Variants in LUC7L2 observed in about 807,000 individuals in gnomAD.
LUC7L2 encodes putative RNA-binding protein Luc7-like 2.
Under a neutral mutation model 52.8 loss-of-function variants are expected in LUC7L2, and 25 were observed. That is an observed-to-expected ratio of 0.47 (90% CI 0.34 to 0.66). The LOEUF is 0.66. Ranked by LOEUF, LUC7L2 falls within the 30% of genes least tolerant of loss-of-function variation. LUC7L2 has a pLI of 0.01. For missense variants in LUC7L2, 328 were observed against 497.8 expected (o/e 0.66, Z 3.25); for synonymous variants, 144 against 160.9 (o/e 0.89, Z 0.80).
intron 1 of LUC7L2, among the ~76,000 whole-genome samples, chr7:139,348,268 G>A (rs1041432831): frequency 6.6e-6 from 1 of 150,942 alleles, no homozygotes; most frequent in South Asian, 2.1e-4. Flanking sequence ...GAACTCGTGG[G>A]CTCAAGTGAT....
intron 2 of LUC7L2, among the ~76,000 whole-genome samples, chr7:139,377,817 G>T (rs944016744): frequency 4.1e-5 from 6 of 147,330 alleles, no homozygotes; most frequent in African/African-American, 1.5e-4. Context: ...ATGAGCTACC[G>T]CGCCTGGCTT....
chr7:139,410,818 G>GTT (rs1334600535), intron 7 of LUC7L2, among the ~76,000 whole-genome samples: 2 of 152,114 alleles, frequency 1.3e-5, no homozygotes, highest in Non-Finnish European at 2.9e-5. Context: ...ATTTCAAGAA[G>GTT]TTTAAACAGA....
upstream of LUC7L2, among the ~76,000 whole-genome samples, chr7:139,358,264 TC>T (rs1472920638): frequency 1.3e-5 from 2 of 152,122 alleles, no homozygotes; most frequent in Non-Finnish European, 2.9e-5. Flanking sequence ...CGCCTCTGCC[TC>T]CCAAAGTACT....
chr7:139,364,016 C>T (rs1431835245), intron 1 of LUC7L2, among the ~76,000 whole-genome samples: 1 of 103,156 alleles, frequency 9.7e-6, no homozygotes, highest in East Asian at 2.9e-4. Context: ...GACAGGGTCT[C>T]TGTTGCCCAG....
At chr7:139,389,841 A>G (rs1224447608) in intron 2 of LUC7L2, among the ~76,000 whole-genome samples, 2 of 152,224 alleles carry the variant, frequency 1.3e-5, no homozygotes, top group Non-Finnish European at 2.9e-5. Context: ...AAAAATAAGT[A>G]GGTTGACAGC....
intron 2 of LUC7L2, among the ~76,000 whole-genome samples, chr7:139,386,920 GCCT>G (rs756182551): frequency 2.6e-5 from 4 of 151,954 alleles, no homozygotes; most frequent in Non-Finnish European, 1.5e-5. Flanking sequence ...GCTCACTGCA[GCCT>G]CCTCCTTCTG....
intron 7 of LUC7L2, among the ~76,000 whole-genome samples, chr7:139,409,960 C>T (rs1795283828): frequency 1.3e-5 from 2 of 152,248 alleles, no homozygotes; most frequent in African/African-American, 4.8e-5. Context: ...GTAATTCCAG[C>T]ACTTTGGGAG....
At chr7:139,378,074 T>C (rs1340387346) in intron 2 of LUC7L2, among the ~76,000 whole-genome samples, 4 of 151,936 alleles carry the variant, frequency 2.6e-5, no homozygotes, top group Non-Finnish European at 5.9e-5. Flanking sequence ...TGCCTCAGCC[T>C]CCCAAAGTAC....
In LUC7L2 at chr7:139,359,982, G is replaced by T; in HGVS notation, c.-280G>T. 2.3e-6 allele frequency: 1 copy of T among 432,048 alleles called. No homozygotes were observed. Among genetic ancestry groups the T allele is most frequent in the Non-Finnish European group, 4.1e-6 (1 of 243,738 alleles). The allele number at this position is 432,048 out of a possible 1,614,324, so 26.8% of individuals were successfully genotyped here. On this transcript the variant is annotated 5_prime_UTR_variant, in exon 1 of 10. Transcript: ENST00000354926. The stretch of plus-strand genomic sequence containing the variant: ...TGGCGGGTGGCGGTGTTGAAGGCGA[G>T]AGCTTGCTTGGCCCGTGTCGCTTCT...
rs375513733 is a variant in LUC7L2, at chr7:139,376,123, C to T, written c.123C>T (p.Leu41=). Residue 41 remains leucine (L), a synonymous_variant, in exon 2 of 10, where the codon CTC becomes CTT. Coordinates refer to ENST00000354926, the MANE Select transcript of LUC7L2 (RefSeq NM_016019.5). The part of the protein sequence containing the change: ...SDDRVCKSHL[L]NCCPHDVLSG... ...ACAGAGTATGCAAGAGTCACCTTCT[C>T]AACTGTTGTCCTCATGATGTCCTTT... The T allele has an allele frequency of 6.2e-7, 1 of 1,613,876 alleles. No homozygotes were observed. Among genetic ancestry groups the T allele is most frequent in the African/African-American group, 1.3e-5 (1 of 75,040 alleles).
chr7:139,418,052 A>G (rs1023468848), intron 9 of LUC7L2, among the ~76,000 whole-genome samples: 3 of 152,218 alleles, frequency 2.0e-5, no homozygotes, highest in African/African-American at 4.8e-5. Flanking sequence ...TGGATCAGCA[A>G]ATTAGGGGCT....
intron 3 of LUC7L2, among the ~76,000 whole-genome samples, chr7:139,400,778 A>G (rs1794877519): frequency 6.6e-6 from 1 of 152,178 alleles, no homozygotes; most frequent in Non-Finnish European, 1.5e-5. Flanking sequence ...TGCCATCTTT[A>G]TCTTTACATA....
upstream of LUC7L2, chr7:139,359,743 G>C (rs1799758220): frequency 2.5e-6 from 1 of 400,232 alleles, no homozygotes; most frequent in Non-Finnish European, 4.4e-6. Context: ...AGTATCGCGA[G>C]ATCCGGGGTA....
At chr7:139,405,567 C>T in intron 4 of LUC7L2, 77 bp from the exon 5 acceptor site, 1 of 1,468,368 alleles carries the variant, frequency 6.8e-7, no homozygotes. Context: ...AGTTTTTTCT[C>T]AGCAGTTCTG....
chr7:139,421,876 C>G (rs1257180242), intron 9 of LUC7L2, among the ~76,000 whole-genome samples: 2 of 152,050 alleles, frequency 1.3e-5, no homozygotes, highest in South Asian at 4.2e-4. Flanking sequence ...ATTAAAATAC[C>G]TTTTATGAAT....
intron 2 of LUC7L2, among the ~76,000 whole-genome samples, chr7:139,377,628 G>A (rs940954591): frequency 2.6e-5 from 4 of 151,850 alleles, no homozygotes; most frequent in Admixed American, 6.6e-5. Context: ...TTCTGACCTC[G>A]TGATCCACCC....
upstream of LUC7L2, among the ~76,000 whole-genome samples, chr7:139,356,314 CAAAAAAAAAAAAAAAAA>C (rs10524961): frequency 9.2e-3 from 760 of 82,940 alleles, 9 homozygotes; most frequent in African/African-American, 0.019. Context: ...GACCCTATCT[CAAAAAAAAAAAAAAAAA>C]AAAAAAAAAA....
intron 1 of LUC7L2, chr7:139,363,225 C>T (rs1799973748): frequency 1.0e-6 from 1 of 985,236 alleles, no homozygotes; most frequent in Non-Finnish European, 1.2e-6. Context: ...CGTGCCGATG[C>T]CTGGCATACT....
At chr7:139,365,360 G>T (rs1379233188) in intron 1 of LUC7L2, among the ~76,000 whole-genome samples, 1 of 152,072 alleles carries the variant, frequency 6.6e-6, no homozygotes, top group African/African-American at 2.4e-5. Context: ...AAATCATTTT[G>T]TCTATTTCTG....
Sources: gnomAD v4.1 joint callset for allele counts (sites outside exome capture counted in the v4.1 genomes callset) on GRCh38, gnomAD v4.1.1 for gene constraint, MANE v1.5 for transcripts, NCBI Gene and HGNC (gene_info 2026-07-23, HGNC 2026-07-21) for gene names.